The following DHX57 variants were observed in gnomAD, a reference collection of about 807,000 sequenced individuals.
DHX57 encodes putative ATP-dependent RNA helicase DHX57.
In DHX57, 105 loss-of-function variants were observed where a neutral mutation model predicts 156.2. The ratio of observed to expected loss-of-function variants is 0.67; its 90% CI spans 0.57 to 0.79. The LOEUF (loss-of-function observed/expected upper bound fraction) is 0.79, where lower values mean the gene tolerates loss of function less well. DHX57 is among the 30% of genes least tolerant of loss of function. The probability of loss-of-function intolerance (pLI) is 0.00; values close to 1 mark genes in which losing one functional copy is unlikely to be tolerated. For missense variants in DHX57, 1,847 were observed against 1,661.9 expected (o/e 1.11, Z -1.94); for synonymous variants, 704 against 595.6 (o/e 1.18, Z -2.65).
intron 23 of DHX57, among the ~76,000 whole-genome samples, chr2:38,801,372 G>C (rs1363622247): frequency 6.6e-6 from 1 of 150,842 alleles, no homozygotes; most frequent in Non-Finnish European, 1.5e-5. Context: ...TCTGGCAGTT[G>C]GGATTACGGG....
chr2:38,862,534 T>G, intron 3 of DHX57: 1 of 443,684 alleles, frequency 2.3e-6, no homozygotes, highest in Non-Finnish European at 3.8e-6. Flanking sequence ...CTGTGTTAAG[T>G]GCTTTATATG....
At chr2:38,818,427 T>C (rs1670652324) in intron 19 of DHX57, among the ~76,000 whole-genome samples, 1 of 152,144 alleles carries the variant, frequency 6.6e-6, no homozygotes. Context: ...CTCAGGTGTC[T>C]GAGGCAGGAG....
chr2:38,868,414 G>A lies in DHX57; in HGVS notation c.-6-3C>T. On this transcript the variant is annotated splice_region_variant and splice_polypyrimidine_tract_variant and intron_variant, in intron 1 of 23. Transcript: ENST00000457308. ...CTTACTGAAGAACTCATTTTCACCT[G>A]CAAGAGAAAAAAATTAATGTAGACA... The A allele has an allele frequency of 6.2e-7, 1 of 1,610,334 alleles. No individual in the cohort carries two copies. Among genetic ancestry groups the A allele is most frequent in the Non-Finnish European group, 8.5e-7 (1 of 1,179,520 alleles).
intron 19 of DHX57, among the ~76,000 whole-genome samples, chr2:38,818,327 G>C (rs1056105066): frequency 6.6e-6 from 1 of 152,014 alleles, no homozygotes. Flanking sequence ...GAGTTCCAGA[G>C]CAGCCTGGCC....
rs918762597 is a variant in DHX57, at chr2:38,818,727, G to A, written c.3471+150C>T. The A allele has an allele frequency of 6.0e-5, 47 of 777,516 alleles. 1 individual carries two copies. The East Asian group carries it at 7.5e-4, about 12-fold the overall frequency. 48.2% of individuals were successfully genotyped at this position (777,516 alleles called of 1,614,324 possible). A position where few individuals can be genotyped will look rare whatever the true frequency, so the allele number is the denominator to read the frequency against. ...CACAGAAAGCCTGATGCCACAGTGC[G>A]GGAGTCCATTTTACACGGCTGGTAA... On this transcript the variant is annotated intron_variant, in intron 19 of 23. Coordinates refer to ENST00000457308, the MANE Select transcript of DHX57 (RefSeq NM_198963.3).
At chr2:38,862,933 CGAAATGCAGTAGAGTGG>C (rs1430637482) in intron 3 of DHX57, 1 of 156,630 alleles carries the variant, frequency 6.4e-6, no homozygotes, top group Non-Finnish European at 1.4e-5. Flanking sequence ...GCAAAAGAGC[CGAAATGCAGTAGAGTGG>C]GAAACGAATA....
chr2:38,823,183 C>T lies in DHX57; in HGVS notation c.3101G>A (p.Arg1034His), dbSNP rs146225438. 126 of 1,613,842 alleles carry T rather than the reference C, an allele frequency of 7.8e-5. No homozygotes were observed. Among genetic ancestry groups the T allele is most frequent in the Non-Finnish European group, 1.0e-4 (120 of 1,180,026 alleles). Reference protein sequence around the residue: ...LIEPPHTDSLRASKIRLRDLG... With the variant: ...LIEPPHTDSLHASKIRLRDLG... ...GTCTCGTAATCGTATTTTTGAGGCA[C>T]GAAGAGAATCGGTGTGTGGAGGTTC... The change falls in exon 17 of 24, where the codon CGT (arginine) becomes CAT (histidine). Residue 1034 changes from arginine to histidine, a missense_variant. Physicochemically the swap from Arg to His is conservative, Grantham distance 29. Transcript: ENST00000457308.
chr2:38,827,399 T>A (rs1053537070), intron 14 of DHX57, among the ~76,000 whole-genome samples: 1 of 144,030 alleles, frequency 6.9e-6, no homozygotes, highest in Admixed American at 7.2e-5. Flanking sequence ...GGCAGAAGAA[T>A]CACTTGAACC....
intron 5 of DHX57, among the ~76,000 whole-genome samples, chr2:38,859,817 C>CT (rs200526041): frequency 0.56 from 75,717 of 135,596 alleles, 22,114 homozygotes; most frequent in East Asian, 0.81. Flanking sequence ...AAAGAGGATC[C>CT]TTTTTTTTTT....
chr2:38,843,280 T>A, intron 11 of DHX57, 70 bp from the exon 12 acceptor site: 1 of 1,499,558 alleles, frequency 6.7e-7, no homozygotes, highest in South Asian at 1.1e-5. Context: ...AATTCACCTG[T>A]TTCACGTGCT....
intron 5 of DHX57, among the ~76,000 whole-genome samples, chr2:38,860,472 T>A (rs1004439226): frequency 6.6e-6 from 1 of 151,728 alleles, no homozygotes; most frequent in Non-Finnish European, 1.5e-5. Flanking sequence ...ATAAAAAGAA[T>A]TTGCACAGTA....
intron 1 of DHX57, among the ~76,000 whole-genome samples, chr2:38,872,487 G>T (rs540731026): frequency 1.3e-5 from 2 of 152,298 alleles, no homozygotes; most frequent in African/African-American, 4.8e-5. Context: ...GTCTGCAGGA[G>T]AGGCACTTTA....
intron 5 of DHX57, 105 bp downstream of exon 5, chr2:38,860,894 A>G: frequency 2.1e-6 from 2 of 956,622 alleles, no homozygotes; most frequent in South Asian, 1.7e-5. Context: ...TGGCTTGTTC[A>G]GCTTGTTCAA....
chr2:38,844,805 C>G (rs1672182445), intron 11 of DHX57, among the ~76,000 whole-genome samples: 1 of 152,056 alleles, frequency 6.6e-6, no homozygotes, highest in African/African-American at 2.4e-5. Context: ...AGTATGGCAT[C>G]TTTCAGAAAT....
intron 11 of DHX57, among the ~76,000 whole-genome samples, chr2:38,844,788 T>G (rs989115704): frequency 6.6e-6 from 1 of 151,668 alleles, no homozygotes; most frequent in Non-Finnish European, 1.5e-5. Flanking sequence ...GAAATACAGA[T>G]AGTAATAGTA....
At chr2:38,849,709 C>G (rs974073563) in intron 9 of DHX57, among the ~76,000 whole-genome samples, 3 of 152,202 alleles carry the variant, frequency 2.0e-5, no homozygotes, top group African/African-American at 7.2e-5. Context: ...CACCGGCTCA[C>G]TGTTCTCCTT....
Position 38,847,024 on chromosome 2 carries a change from C to G in DHX57, c.2214G>C (p.Val738=). The G allele has an allele frequency of 2.5e-6, 4 of 1,612,780 alleles. No individual in the cohort carries two copies. The highest frequency in any genetic ancestry group is 2.5e-6 in the Non-Finnish European group (3 of 1,179,104). The stretch of plus-strand genomic sequence containing the variant: ...TTAATTAATATCTTCCTTACCTTGT[C>G]ACAGCAATTGCATCTTCCAAAAAAA... ...DQFFLEDAIA[V]TRYVLQDGSP... The change falls in exon 11 of 24, where the codon GTG becomes GTC. Residue 738 remains valine, a synonymous_variant. Transcript: ENST00000457308.
chr2:38,842,695 T>G lies in DHX57; in HGVS notation c.2425+310A>C, dbSNP rs186805452. On this transcript the variant is annotated intron_variant, in intron 12 of 23. Coordinates refer to ENST00000457308, the MANE Select transcript of DHX57 (RefSeq NM_198963.3). ...TAGCCTTGCGAACTTTTCCATAAAT[T>G]TGAAATCACATCAAAATAAAAAGCT... Among the ~76,000 whole-genome samples, 218 of 152,272 alleles carry G rather than the reference T, an allele frequency of 1.4e-3. 2 individuals carry two copies. The highest frequency in any genetic ancestry group is 4.0e-3 in the African/African-American group (166 of 41,566).
chr2:38,819,074 T>G lies in DHX57; in HGVS notation c.3362A>C (p.Tyr1121Ser). The G allele has an allele frequency of 6.2e-7, 1 of 1,614,252 alleles. No homozygotes were observed. Among genetic ancestry groups the G allele is most frequent in the Non-Finnish European group, 8.5e-7 (1 of 1,180,044 alleles). The change falls in exon 18 of 24, where the codon TAT becomes TCT. Residue 1121 changes from tyrosine to serine, a missense_variant. Tyr to Ser is a moderately radical substitution (Grantham distance 144, BLOSUM62 -2). Coordinates refer to ENST00000457308, the MANE Select transcript of DHX57 (RefSeq NM_198963.3). The part of the protein sequence containing the change: ...KLEFAFANSD[Y>S]LALLQAYKGW... ...CTTATACGCTTGTAGAAGGGCCAGA[T>G]AATCACTGTTTGCGAATGCAAATTC...
Sources: gnomAD v4.1 joint callset for allele counts (sites outside exome capture counted in the v4.1 genomes callset) on GRCh38, gnomAD v4.1.1 for gene constraint, MANE v1.5 for transcripts, NCBI Gene and HGNC (gene_info 2026-07-23, HGNC 2026-07-21) for gene names.